The following RYR2 variants were observed in gnomAD, a reference collection of about 807,000 sequenced individuals.
The protein encoded by RYR2 is ryanodine receptor 2, also known as cardiac muscle ryanodine receptor-calcium release channel.
Under a neutral mutation model 601.1 loss-of-function variants are expected in RYR2, and 227 were observed. The ratio of observed to expected loss-of-function variants is 0.38; its 90% CI spans 0.34 to 0.42. RYR2 has a LOEUF of 0.42. RYR2 is among the 10% of genes least tolerant of loss of function. The probability of loss-of-function intolerance (pLI) is 1.00; values close to 1 mark genes in which losing one functional copy is unlikely to be tolerated. For synonymous variants in RYR2, 2,223 were observed against 2,175.1 expected, an observed-to-expected ratio of 1.02 and a Z score of -0.61; for missense variants, 4,646 against 6,156.5, an observed-to-expected ratio of 0.75 and a Z score of 8.21.
In RYR2 at chr1:237,511,675, TG is replaced by T; in HGVS notation, c.2719-12del. On this transcript the variant is annotated splice_polypyrimidine_tract_variant and intron_variant, in intron 23 of 104. Coordinates refer to ENST00000366574, the MANE Select transcript of RYR2 (RefSeq NM_001035.3). ...TGGAGACTATTTTATGTCAATTTCC[TG>T]TCCTGTTTCAGGTTAGAGATGACAA... 6.5e-7 allele frequency: 1 copy of T among 1,547,972 alleles called. No homozygotes were observed. The highest frequency in any genetic ancestry group is 8.8e-7 in the Non-Finnish European group (1 of 1,141,232).
Position 237,490,118 on chromosome 1 carries a change from G to A in RYR2, c.1709-1688G>A, listed in dbSNP as rs142216073. Among the ~76,000 whole-genome samples, 349 of 152,256 alleles carry A rather than the reference G, an allele frequency of 2.3e-3. 2 individuals carry two copies. Among genetic ancestry groups the A allele is most frequent in the South Asian group, 3.7e-3 (18 of 4,816 alleles). ...TACAGCGTATTATCACTTATAGTGG[G>A]AGCTAAACAAGGGGTACTCATGGAC... On this transcript the variant is annotated intron_variant, in intron 17 of 104. Coordinates refer to ENST00000366574, the MANE Select transcript of RYR2 (RefSeq NM_001035.3).
At chr1:237,744,151 A>C (rs746262894) in intron 80 of RYR2, among the ~76,000 whole-genome samples, 1 of 152,158 alleles carries the variant, frequency 6.6e-6, no homozygotes, top group East Asian at 1.9e-4. Flanking sequence ...CTAGATGACT[A>C]TTTCTCTCTT....
rs924029503 is a variant in RYR2 at position 237,569,234 on chromosome 1, C to T, written c.3513C>T (p.His1171=). 6.2e-7 allele frequency: 1 copy of T among 1,613,804 alleles called. No individual in the cohort carries two copies. The highest frequency in any genetic ancestry group is 1.3e-5 in the African/African-American group (1 of 74,918). ...VVGCMVDMNE[H]TMMFTLNGEI... The stretch of plus-strand genomic sequence containing the variant: ...GGTGTATGGTTGACATGAACGAACA[C>T]ACCATGATGTTCACACTGAATGGTG... The change falls in exon 29 of 105, where the codon CAC becomes CAT. Residue 1171 remains histidine (H), a synonymous_variant. Coordinates refer to ENST00000366574, the MANE Select transcript of RYR2 (RefSeq NM_001035.3).
At chr1:237,792,364 TGTGTGTGTGTGTGTGTGC>T (rs1439709837) in intron 94 of RYR2, 41 bp downstream of exon 94, 68 of 876,252 alleles carry the variant, frequency 7.8e-5, no homozygotes, top group African/African-American at 1.3e-4. Context: ...TGTGTGTGTG[TGTGTGTGTGTGTGTGTGC>T]GTGTGTGTGT....
intron 98 of RYR2, among the ~76,000 whole-genome samples, chr1:237,805,645 CAG>C (rs1376803454): frequency 3.9e-5 from 5 of 129,620 alleles, no homozygotes; most frequent in Admixed American, 7.9e-5. Flanking sequence ...GTAATTATAA[CAG>C]AGTGAAATCA....
chr1:237,657,042 T>C (rs1437837899), intron 53 of RYR2, among the ~76,000 whole-genome samples: 1 of 152,236 alleles, frequency 6.6e-6, no homozygotes, highest in Non-Finnish European at 1.5e-5. Flanking sequence ...ATCATGGTTT[T>C]GGTGTTGGTT....
intron 99 of RYR2, among the ~76,000 whole-genome samples, chr1:237,807,267 T>C (rs1660732249): frequency 6.6e-6 from 1 of 152,166 alleles, no homozygotes; most frequent in Non-Finnish European, 1.5e-5. Flanking sequence ...AGATGCCAAA[T>C]GTATGTGTGT....
chr1:237,706,971 G>A lies in RYR2; in HGVS notation c.9603G>A (p.Val3201=), dbSNP rs369285719. 38 of 1,612,656 alleles carry A rather than the reference G, an allele frequency of 2.4e-5. No homozygotes were observed. Among genetic ancestry groups the A allele is most frequent in the Non-Finnish European group, 2.8e-5 (33 of 1,178,886 alleles). ...ERAALSLPTN[V]EDVCPNIPSL... ...CAGCTCTCAGTTTGCCAACTAATGT[G>A]GAAGATGTTTGTCCAAACATACCGT... The change falls in exon 68 of 105, where the codon GTG becomes GTA. Residue 3201 remains valine (V), a synonymous_variant. Coordinates refer to ENST00000366574, the MANE Select transcript of RYR2 (RefSeq NM_001035.3).
At chr1:237,439,085 C>T (rs907282937) in intron 12 of RYR2, among the ~76,000 whole-genome samples, 21 of 152,100 alleles carry the variant, frequency 1.4e-4, no homozygotes, top group Admixed American at 3.9e-4. Context: ...CACTTTATTT[C>T]CAGTAATACA....
At chr1:237,751,144 G>A (rs1444773584) in intron 80 of RYR2, among the ~76,000 whole-genome samples, 2 of 152,100 alleles carry the variant, frequency 1.3e-5, no homozygotes, top group Admixed American at 6.6e-5. Flanking sequence ...CCATAGCTTT[G>A]TATTCTTAGT....
At chr1:237,122,458 G>A (rs568378159) in intron 1 of RYR2, among the ~76,000 whole-genome samples, 2 of 152,200 alleles carry the variant, frequency 1.3e-5, no homozygotes, top group South Asian at 2.1e-4. Flanking sequence ...GAGGCGGGGG[G>A]ATCACTTGAG....
chr1:237,823,358 A>G (rs1409482884), intron 101 of RYR2, among the ~76,000 whole-genome samples: 1 of 152,206 alleles, frequency 6.6e-6, no homozygotes, highest in Non-Finnish European at 1.5e-5. Context: ...TCAAATTAGA[A>G]CTCAGGATTA....
intron 1 of RYR2, among the ~76,000 whole-genome samples, chr1:237,169,161 G>A (rs1677050011): frequency 2.0e-5 from 3 of 152,112 alleles, no homozygotes; most frequent in Admixed American, 1.3e-4. Context: ...TTTAGTTAGT[G>A]TCAACATGTA....
intron 1 of RYR2, among the ~76,000 whole-genome samples, chr1:237,067,112 T>G (rs1663746584): frequency 6.6e-6 from 1 of 152,168 alleles, no homozygotes; most frequent in Non-Finnish European, 1.5e-5. Context: ...TTTCTCCCTC[T>G]CAACAGTCTT....
chr1:237,601,432 G>T (rs568921481), intron 34 of RYR2, among the ~76,000 whole-genome samples: 14 of 152,200 alleles, frequency 9.2e-5, no homozygotes, highest in African/African-American at 3.4e-4. Context: ...GACTGGGAAG[G>T]GTAGGTGAAA....
rs1694846943 is a variant in RYR2, at chr1:237,778,558, A to G, written c.11776-108A>G. 8 of 516,922 alleles carry G rather than the reference A, an allele frequency of 1.5e-5. No homozygotes were observed. In the South Asian group the frequency reaches 2.3e-4, roughly 15 times the overall value. The allele number at this position is 516,922 out of a possible 1,614,324, so 32.0% of individuals were successfully genotyped here. A position where few individuals can be genotyped will look rare whatever the true frequency, so the allele number is the denominator to read the frequency against. The stretch of plus-strand genomic sequence containing the variant: ...TTCCTATCTTTTCAGATAACGTGCT[A>G]GCAGTGAAATATATCAGCACTAAGT... On this transcript the variant is annotated intron_variant, in intron 87 of 104. Coordinates refer to ENST00000366574, the MANE Select transcript of RYR2 (RefSeq NM_001035.3).
intron 17 of RYR2, among the ~76,000 whole-genome samples, chr1:237,479,425 A>G (rs1033037802): frequency 6.6e-6 from 1 of 152,178 alleles, no homozygotes; most frequent in African/African-American, 2.4e-5. Context: ...ATCACTGGGA[A>G]TGATGCGCTT....
At chr1:237,306,863 T>C (rs1693924971) in intron 2 of RYR2, among the ~76,000 whole-genome samples, 1 of 152,204 alleles carries the variant, frequency 6.6e-6, no homozygotes, top group South Asian at 2.1e-4. Flanking sequence ...ATTTGGGCCT[T>C]CTGAGTTTCA....
chr1:237,829,754 G>T (rs756119632), intron 102 of RYR2, among the ~76,000 whole-genome samples: 17 of 152,126 alleles, frequency 1.1e-4, no homozygotes, highest in Non-Finnish European at 2.1e-4. Flanking sequence ...GCTTCAGATG[G>T]CATAAAACAG....
Sources: allele counts gnomAD v4.1 joint callset (sites outside exome capture counted in the v4.1 genomes callset), GRCh38; gene constraint gnomAD v4.1.1; transcripts MANE v1.5; gene names NCBI Gene and HGNC (gene_info 2026-07-23, HGNC 2026-07-21).